Variants in ASB3 observed in about 807,000 individuals in gnomAD.
ASB3 encodes ankyrin repeat and SOCS box protein 3.
ASB3 carries 41 observed loss-of-function variants against 54.5 expected under a neutral mutation model. That is an observed-to-expected ratio of 0.75 (90% confidence interval 0.59 to 0.98). ASB3 has a LOEUF of 0.98. Ranked by LOEUF, ASB3 falls within the 50% of genes least tolerant of loss-of-function variation. The pLI is 0.00. For synonymous variants in ASB3, 266 were observed against 221.2 expected (o/e 1.20, Z -1.80); for missense variants, 733 against 620.0 (o/e 1.18, Z -1.94).
At chr2:53,767,465 C>T (rs78001907) in intron 1 of ASB3, 2,419 of 158,360 alleles carry the variant, frequency 0.015, 22 homozygotes, top group Non-Finnish European at 0.022. Flanking sequence ...GGTACACCGC[C>T]TCCGTATCTG....
intron 9 of ASB3, among the ~76,000 whole-genome samples, chr2:53,689,432 ATT>A (rs1368829723): frequency 6.6e-6 from 1 of 152,244 alleles, no homozygotes; most frequent in Non-Finnish European, 1.5e-5. Flanking sequence ...AAAAACAAAT[ATT>A]CTTTTAAAAA....
chr2:53,761,760 C>T (rs972418957), intron 2 of ASB3, among the ~76,000 whole-genome samples: 1 of 152,188 alleles, frequency 6.6e-6, no homozygotes, highest in Non-Finnish European at 1.5e-5. Context: ...TATATATATT[C>T]TATTGGTTCT....
chr2:53,766,072 G>C (rs1490231715), intron 1 of ASB3, among the ~76,000 whole-genome samples: 1 of 152,148 alleles, frequency 6.6e-6, no homozygotes, highest in Non-Finnish European at 1.5e-5. Flanking sequence ...AAAGAGGCCA[G>C]AAAAGCAGTG....
intron 5 of ASB3, 139 bp downstream of exon 5, chr2:53,728,573 G>T: frequency 8.7e-7 from 1 of 1,147,926 alleles, no homozygotes; most frequent in Non-Finnish European, 1.1e-6. Context: ...AAATCAATTT[G>T]TATTTACTCT....
At chr2:53,758,477 G>C (rs190810168) in intron 2 of ASB3, among the ~76,000 whole-genome samples, 11 of 152,322 alleles carry the variant, frequency 7.2e-5, no homozygotes, top group Admixed American at 7.2e-4. Context: ...AAGAACTGTT[G>C]TTTATGGGAA....
chr2:53,728,895 G>T (rs771342464), intron 4 of ASB3, 48 bp from the exon 5 acceptor site: 2 of 1,528,698 alleles, frequency 1.3e-6, no homozygotes, highest in South Asian at 1.3e-5. Context: ...AAAGAAAATA[G>T]AAGGTATCTT....
intron 3 of ASB3, 78 bp from the exon 4 acceptor site, chr2:53,729,648 A>C: frequency 7.5e-5 from 92 of 1,233,744 alleles, no homozygotes; most frequent in Non-Finnish European, 9.5e-5. Flanking sequence ...TGATGTTCTC[A>C]TCACTTACTC....
intron 8 of ASB3, among the ~76,000 whole-genome samples, chr2:53,696,885 A>C (rs1257782194): frequency 6.6e-6 from 1 of 152,172 alleles, no homozygotes; most frequent in Non-Finnish European, 1.5e-5. Flanking sequence ...AAGGGACTTG[A>C]GCATCCATGT....
intron 9 of ASB3, among the ~76,000 whole-genome samples, chr2:53,670,929 A>C (rs1667778531): frequency 6.6e-6 from 1 of 152,194 alleles, no homozygotes; most frequent in African/African-American, 2.4e-5. Flanking sequence ...CCAGGGCCGC[A>C]AACACTAAAT....
intron 7 of ASB3, among the ~76,000 whole-genome samples, 168 bp downstream of exon 7, chr2:53,714,215 TC>T (rs1670263432): frequency 1.3e-5 from 2 of 152,250 alleles, no homozygotes. Flanking sequence ...TCACCTCATT[TC>T]TGCTTCAGCT....
At position 53,672,631 on chromosome 2, in the gene ASB3, T is replaced by C. The variant is rs79906387; in HGVS notation, c.1370-1941A>G. On this transcript the variant is annotated intron_variant, in intron 9 of 9. Coordinates refer to ENST00000263634, the MANE Select transcript of ASB3 (RefSeq NM_016115.5). ...ACCATACATACTTTAAACATTCTAA[T>C]TTAAAATGGATACATGAACACATCT... is the stretch of plus-strand genomic sequence containing the variant. Among the ~76,000 whole-genome samples the C allele has an allele frequency of 5.7e-3, 867 of 152,326 alleles. 6 individuals carry two copies. Among genetic ancestry groups the C allele is most frequent in the Admixed American group, 0.011 (163 of 15,302 alleles).
chr2:53,683,216 A>T (rs150831376), intron 9 of ASB3, among the ~76,000 whole-genome samples: 202 of 152,332 alleles, frequency 1.3e-3, no homozygotes, highest in Non-Finnish European at 2.5e-3. Context: ...GCATCAATTG[A>T]AATGATCATA....
chr2:53,751,443 CT>C (rs1394440911), intron 2 of ASB3, among the ~76,000 whole-genome samples: 1 of 152,076 alleles, frequency 6.6e-6, no homozygotes, highest in Non-Finnish European at 1.5e-5. Flanking sequence ...TTAATGAAAA[CT>C]GCAGTTCTAA....
At chr2:53,750,758 T>A (rs199556292) in intron 3 of ASB3, 25 bp downstream of exon 3, 1 of 1,467,874 alleles carries the variant, frequency 6.8e-7, no homozygotes, top group Admixed American at 2.5e-5. Flanking sequence ...AAAAATTGCA[T>A]CTGCACCACA....
At chr2:53,689,480 T>C (rs1040170860) in intron 9 of ASB3, among the ~76,000 whole-genome samples, 6 of 152,226 alleles carry the variant, frequency 3.9e-5, no homozygotes, top group Non-Finnish European at 8.8e-5. Flanking sequence ...AGAAATGGCT[T>C]TAGCAGACAA....
intron 2 of ASB3, among the ~76,000 whole-genome samples, chr2:53,753,756 C>G (rs1672662231): frequency 6.6e-6 from 1 of 151,890 alleles, no homozygotes; most frequent in Non-Finnish European, 1.5e-5. Context: ...CCTGCTTCAG[C>G]CTCCCGAGTA....
At chr2:53,775,985 A>C (rs1036217288) in intron 1 of ASB3, among the ~76,000 whole-genome samples, 1 of 152,238 alleles carries the variant, frequency 6.6e-6, no homozygotes, top group African/African-American at 2.4e-5. Flanking sequence ...CTTTGATTCA[A>C]ACCATTCAGG....
At chr2:53,699,475 A>G (rs1475478442) in intron 8 of ASB3, among the ~76,000 whole-genome samples, 3 of 152,246 alleles carry the variant, frequency 2.0e-5, no homozygotes, top group African/African-American at 7.2e-5. Flanking sequence ...GAAAAACACA[A>G]GGAGTGTTTC....
chr2:53,748,589 T>C (rs896102430), intron 3 of ASB3, among the ~76,000 whole-genome samples: 3 of 152,204 alleles, frequency 2.0e-5, no homozygotes, highest in Admixed American at 6.5e-5. Context: ...TAAGATACCA[T>C]GGCACTTCTG....
Sources: allele counts gnomAD v4.1 joint callset (sites outside exome capture counted in the v4.1 genomes callset), GRCh38; gene constraint gnomAD v4.1.1; transcripts MANE v1.5; gene names NCBI Gene and HGNC (gene_info 2026-07-23, HGNC 2026-07-21).